The following SLC29A4 variants were observed in gnomAD, a reference collection of about 807,000 sequenced individuals.
SLC29A4 encodes solute carrier family 29 member 4.
In SLC29A4, 36 loss-of-function variants were observed where a neutral mutation model predicts 43.9. The ratio of observed to expected loss-of-function variants is 0.82; its 90% CI spans 0.63 to 1.08. The LOEUF (loss-of-function observed/expected upper bound fraction) is 1.08, where lower values mean the gene tolerates loss of function less well. Ranked by LOEUF, SLC29A4 falls within the 50% of genes least tolerant of loss-of-function variation. The pLI is 0.00. For synonymous variants in SLC29A4, 491 were observed against 338.0 expected, an observed-to-expected ratio of 1.45 and a Z score of -4.97; for missense variants, 869 against 755.3, an observed-to-expected ratio of 1.15 and a Z score of -1.77.
At chr7:5,294,565 C>T (rs577824049) in intron 5 of SLC29A4, among the ~76,000 whole-genome samples, 1 of 152,252 alleles carries the variant, frequency 6.6e-6, no homozygotes, top group African/African-American at 2.4e-5. Context: ...TCTCCTGTCC[C>T]TGCCCATGGG....
rs988615355 is a variant in SLC29A4, at chr7:5,305,208, C to A, written c.*2269C>A. 1.3e-5 allele frequency: 2 copies of A among 152,410 alleles called. No individual in the cohort carries two copies. The highest frequency in any genetic ancestry group is 2.9e-5 in the Non-Finnish European group (2 of 68,170). 9.4% of individuals were successfully genotyped at this position (152,410 alleles called of 1,614,324 possible). ...GGCACGAGGGCCACCTATGCTCTGG[C>A]AGGCATCCTCCCTGGGGCCCAGGTG... On this transcript the variant is annotated 3_prime_UTR_variant, in exon 11 of 11. Coordinates refer to ENST00000396872, the MANE Select transcript of SLC29A4 (RefSeq NM_153247.4).
intron 3 of SLC29A4, 62 bp from the exon 4 acceptor site, chr7:5,291,062 G>A: frequency 6.3e-7 from 1 of 1,586,194 alleles, no homozygotes; most frequent in Non-Finnish European, 8.6e-7. Context: ...GGTCTCACCT[G>A]GCAGGAGTCA....
At chr7:5,295,273 C>T (rs1368222481) in intron 6 of SLC29A4, among the ~76,000 whole-genome samples, 1 of 151,886 alleles carries the variant, frequency 6.6e-6, no homozygotes, top group Non-Finnish European at 1.5e-5. Context: ...GAGGTGGGCC[C>T]CGTCCATGGC....
In SLC29A4 at chr7:5,287,824, C is replaced by G. The variant is rs1425743532; in HGVS notation, c.8C>G (p.Ser3Cys). The G allele has an allele frequency of 6.2e-7, 1 of 1,611,072 alleles. No individual in the cohort carries two copies. The highest frequency in any genetic ancestry group is 8.5e-7 in the Non-Finnish European group (1 of 1,179,716). The change falls in exon 2 of 11, where the codon TCC becomes TGC. Residue 3 changes from serine to cysteine, a missense_variant. Physicochemically the swap from Ser to Cys is moderately radical, Grantham distance 112. Coordinates refer to ENST00000396872, the MANE Select transcript of SLC29A4 (RefSeq NM_153247.4). Reference protein sequence around the residue: MGSVGSQRLEEPS... With the variant: MGCVGSQRLEEPS... The stretch of plus-strand genomic sequence containing the variant: ...TCCAAAGCAGAGGCTGCCATGGGCT[C>G]CGTGGGGAGCCAGCGCCTTGAGGAG...
Position 5,299,336 on chromosome 7 carries a change from G to C in SLC29A4, c.1118G>C (p.Gly373Ala). ...TTCATCACGCTGTGCCTGTTCCCCG[G>C]CCTCGAGTCTGAGATCCGCCACTGC... ...TYFITLCLFP[G>A]LESEIRHCIL... The change falls in exon 9 of 11, where the codon GGC becomes GCC. Residue 373 changes from glycine (G) to alanine (A), a missense_variant. Transcript: ENST00000396872. The C allele has an allele frequency of 6.2e-7, 1 of 1,612,074 alleles. No homozygotes were observed. Among genetic ancestry groups the C allele is most frequent in the Non-Finnish European group, 8.5e-7 (1 of 1,179,858 alleles).
chr7:5,297,798 G>A (rs575992489), intron 7 of SLC29A4, among the ~76,000 whole-genome samples: 1 of 152,288 alleles, frequency 6.6e-6, no homozygotes, highest in East Asian at 1.9e-4. Flanking sequence ...AGGCGGAGAG[G>A]GAGGGCCAGG....
chr7:5,297,223 TTCCCTTCTCTGTC>T, intron 7 of SLC29A4, 25 bp downstream of exon 7: 1 of 1,521,588 alleles, frequency 6.6e-7, no homozygotes, highest in Non-Finnish European at 8.8e-7. Context: ...CCCACCTCTG[TTCCCTTCTCTGTC>T]CCCTTCTCTG....
intron 1 of SLC29A4, among the ~76,000 whole-genome samples, chr7:5,283,495 G>T (rs1056362731): frequency 6.6e-6 from 1 of 152,154 alleles, no homozygotes; most frequent in Non-Finnish European, 1.5e-5. Context: ...ACGGCCCAGG[G>T]GGTCTGTCCT....
chr7:5,297,699 C>T (rs1365567843), intron 7 of SLC29A4, among the ~76,000 whole-genome samples: 4 of 152,168 alleles, frequency 2.6e-5, no homozygotes, highest in African/African-American at 4.8e-5. Flanking sequence ...AGGGATAACC[C>T]TGGTTTCCCT....
intron 5 of SLC29A4, among the ~76,000 whole-genome samples, chr7:5,294,101 A>G (rs1427457806): frequency 7.0e-6 from 1 of 143,370 alleles, no homozygotes; most frequent in Non-Finnish European, 1.5e-5. Flanking sequence ...GCGAGGCTCT[A>G]TCTGGAAAAA....
At chr7:5,288,596 A>G (rs1358988356) in intron 2 of SLC29A4, among the ~76,000 whole-genome samples, 2 of 152,002 alleles carry the variant, frequency 1.3e-5, no homozygotes, top group African/African-American at 4.8e-5. Context: ...CCGTCCGCTG[A>G]CCCATAAAGC....
intron 6 of SLC29A4, 84 bp downstream of exon 6, chr7:5,295,018 C>T (rs1266589609): frequency 4.9e-6 from 6 of 1,216,630 alleles, no homozygotes; most frequent in African/African-American, 4.6e-5. Flanking sequence ...CCCCATGATG[C>T]TCCCCGGTCT....
intron 1 of SLC29A4, 61 bp from the exon 2 acceptor site, chr7:5,287,748 A>C: frequency 6.5e-7 from 1 of 1,539,736 alleles, no homozygotes; most frequent in Non-Finnish European, 8.8e-7. Context: ...GGGTCAGTGC[A>C]TGAGCCATGG....
chr7:5,291,506 C>T (rs564890292), intron 4 of SLC29A4, among the ~76,000 whole-genome samples, 187 bp from the exon 5 acceptor site: 23 of 152,356 alleles, frequency 1.5e-4, no homozygotes, highest in African/African-American at 3.6e-4. Flanking sequence ...CTTCAAGGCC[C>T]GGCTCAAATG....
intron 5 of SLC29A4, among the ~76,000 whole-genome samples, chr7:5,292,401 A>G (rs1785364185): frequency 6.6e-6 from 1 of 152,150 alleles, no homozygotes; most frequent in African/African-American, 2.4e-5. Context: ...GGCATGAGCC[A>G]TCGTGCCTGG....
intron 1 of SLC29A4, among the ~76,000 whole-genome samples, chr7:5,286,662 G>A (rs1313842359): frequency 1.3e-5 from 2 of 152,104 alleles, no homozygotes; most frequent in Non-Finnish European, 2.9e-5. Context: ...GAAGGTCAGG[G>A]CTGGCAGATC....
intron 1 of SLC29A4, among the ~76,000 whole-genome samples, chr7:5,284,977 G>A (rs886496044): frequency 7.7e-4 from 118 of 152,328 alleles, no homozygotes; most frequent in African/African-American, 2.7e-3. Flanking sequence ...GCCTTTCTGG[G>A]TTCAGATGTC....
chr7:5,297,307 G>A, intron 7 of SLC29A4, 109 bp downstream of exon 7: 2 of 1,274,318 alleles, frequency 1.6e-6, no homozygotes, highest in East Asian at 2.6e-5. Flanking sequence ...CCCAGACTGT[G>A]GTCTCCTCCT....
At chr7:5,283,855 T>C (rs925365681) in intron 1 of SLC29A4, among the ~76,000 whole-genome samples, 167 of 152,236 alleles carry the variant, frequency 1.1e-3, no homozygotes, top group Admixed American at 4.6e-3. Context: ...GGAATTCGGT[T>C]CCCCTGGTCC....
Sources: gnomAD v4.1 joint callset for allele counts (sites outside exome capture counted in the v4.1 genomes callset) on GRCh38, gnomAD v4.1.1 for gene constraint, MANE v1.5 for transcripts, NCBI Gene and HGNC (gene_info 2026-07-23, HGNC 2026-07-21) for gene names.